SORBS2: variants seen among roughly 807,000 people sequenced by gnomAD.
SORBS2 encodes sorbin and SH3 domain containing 2.
In SORBS2, 46 loss-of-function variants were observed where a neutral mutation model predicts 97.7. That is an observed-to-expected ratio of 0.47 (90% CI 0.37 to 0.60). The LOEUF (loss-of-function observed/expected upper bound fraction) is 0.60. Among genes scored for constraint, SORBS2 ranks in the 20% least tolerant of loss-of-function variants. SORBS2 has a pLI of 0.00. For missense variants in SORBS2, 1,316 were observed against 1,282.3 expected (o/e 1.03, Z -0.40); for synonymous variants, 476 against 473.4 (o/e 1.01, Z -0.07).
chr4:185,869,083 G>A (rs1292919763), intron 1 of SORBS2, among the ~76,000 whole-genome samples: 4 of 152,224 alleles, frequency 2.6e-5, no homozygotes, highest in Non-Finnish European at 5.9e-5. Flanking sequence ...GCCTAGTGTG[G>A]AAGAGGAGAG....
intron 1 of SORBS2, among the ~76,000 whole-genome samples, chr4:185,899,950 C>T (rs536878369): frequency 3.6e-4 from 55 of 152,144 alleles, no homozygotes; most frequent in Middle Eastern, 3.4e-3. Context: ...ATAGAGGCAA[C>T]GGCACTAGAA....
intron 2 of SORBS2, among the ~76,000 whole-genome samples, chr4:185,730,011 A>G (rs879870491): frequency 9.2e-5 from 14 of 151,846 alleles, no homozygotes; most frequent in Admixed American, 2.6e-4. Flanking sequence ...GGAGTGCAGT[A>G]GAGCCATCTC....
chr4:185,691,800 A>G (rs755064265), intron 2 of SORBS2, among the ~76,000 whole-genome samples: 3 of 151,944 alleles, frequency 2.0e-5, no homozygotes, highest in Non-Finnish European at 2.9e-5. Context: ...GCTGGAGTGC[A>G]GTGGTGCGAT....
intron 4 of SORBS2, among the ~76,000 whole-genome samples, chr4:185,643,179 C>T (rs531453131): frequency 6.6e-6 from 1 of 152,348 alleles, no homozygotes; most frequent in East Asian, 1.9e-4. Context: ...GCAGAGGAGT[C>T]AGGCACATTC....
At chr4:185,939,352 T>C (rs1246648663) in intron 1 of SORBS2, among the ~76,000 whole-genome samples, 4 of 152,200 alleles carry the variant, frequency 2.6e-5, no homozygotes, top group Non-Finnish European at 5.9e-5. Flanking sequence ...TTCTCTTCAC[T>C]GGAATAGTTC....
At chr4:185,750,675 C>A (rs981117857) in intron 2 of SORBS2, among the ~76,000 whole-genome samples, 12 of 152,204 alleles carry the variant, frequency 7.9e-5, no homozygotes, top group Admixed American at 7.9e-4. Flanking sequence ...AACAAACAAA[C>A]AATAACTTTC....
intron 1 of SORBS2, among the ~76,000 whole-genome samples, chr4:185,940,786 A>G (rs1469128049): frequency 6.6e-6 from 1 of 152,228 alleles, no homozygotes; most frequent in Non-Finnish European, 1.5e-5. Flanking sequence ...TGTGCAAAAC[A>G]TCATTCAGGA....
intron 1 of SORBS2, among the ~76,000 whole-genome samples, chr4:185,874,479 A>G (rs1235391784): frequency 2.6e-5 from 4 of 152,160 alleles, no homozygotes; most frequent in Non-Finnish European, 2.9e-5. Flanking sequence ...GGCCCCAAAG[A>G]TGCATGCTGA....
chr4:185,818,873 T>G (rs976850575), intron 1 of SORBS2, among the ~76,000 whole-genome samples: 1 of 152,142 alleles, frequency 6.6e-6, no homozygotes, highest in South Asian at 2.1e-4. Flanking sequence ...TAAAGTAGCA[T>G]GACAAATCAT....
intron 4 of SORBS2, among the ~76,000 whole-genome samples, chr4:185,667,076 GGAT>G (rs2097617986): frequency 2.0e-5 from 3 of 152,182 alleles, no homozygotes; most frequent in Admixed American, 2.0e-4. Context: ...GTGACAAATA[GGAT>G]GATAAGTACT....
chr4:185,732,640 T>C (rs2098650924), intron 2 of SORBS2, among the ~76,000 whole-genome samples: 1 of 152,186 alleles, frequency 6.6e-6, no homozygotes, highest in African/African-American at 2.4e-5. Flanking sequence ...AACCAAAGGC[T>C]GTGTGTTGAG....
At chr4:185,853,010 G>A (rs2149689306) in intron 1 of SORBS2, among the ~76,000 whole-genome samples, 1 of 152,258 alleles carries the variant, frequency 6.6e-6, no homozygotes, top group African/African-American at 2.4e-5. Flanking sequence ...TATAAGTGAT[G>A]GGAGTGGGTT....
chr4:185,889,534 G>A (rs146887820), intron 1 of SORBS2, among the ~76,000 whole-genome samples: 10 of 151,980 alleles, frequency 6.6e-5, no homozygotes, highest in Middle Eastern at 3.4e-3. Flanking sequence ...CTCTGCTGTG[G>A]CCTGCATATT....
At chr4:185,757,616 G>A (rs1212179597) in intron 2 of SORBS2, among the ~76,000 whole-genome samples, 2 of 151,724 alleles carry the variant, frequency 1.3e-5, no homozygotes, top group Non-Finnish European at 2.9e-5. Context: ...GTTATTCCAT[G>A]TCCTGGGAAA....
chr4:185,688,417 T>G (rs2098015855), intron 2 of SORBS2, among the ~76,000 whole-genome samples: 1 of 146,652 alleles, frequency 6.8e-6, no homozygotes, highest in Non-Finnish European at 1.5e-5. Context: ...TCAATAAAAC[T>G]GGCCTGTATT....
At chr4:185,864,809 G>A (rs2099225865) in intron 1 of SORBS2, among the ~76,000 whole-genome samples, 1 of 151,990 alleles carries the variant, frequency 6.6e-6, no homozygotes, top group Non-Finnish European at 1.5e-5. Context: ...CTACTTGGGA[G>A]GCCGAGGTAA....
chr4:185,759,413 A>G (rs1352132675), intron 2 of SORBS2, among the ~76,000 whole-genome samples: 1 of 152,210 alleles, frequency 6.6e-6, no homozygotes, highest in Non-Finnish European at 1.5e-5. Flanking sequence ...ATCTTGAAAC[A>G]GAACAGAGTT....
In SORBS2 at chr4:185,623,601, C is replaced by G. The variant is rs771002154; in HGVS notation, c.1528G>C (p.Asp510His). ...TCTAGGTGAATGTAGTCACTGTGGT[C>G]GGACACAACCCCGTCCTGGTCGCTG... Residue 510 changes from aspartate (D) to histidine (H), a missense_variant, in exon 7 of 15, where the codon GAC becomes CAC. Coordinates refer to ENST00000418609, the Ensembl canonical transcript of SORBS2. The surrounding 1 kb of genome is among the most constrained non-coding windows in gnomAD (Gnocchi z 6.4). The G allele has an allele frequency of 6.2e-7, 1 of 1,614,078 alleles. No homozygotes were observed. Among genetic ancestry groups the G allele is most frequent in the Non-Finnish European group, 8.5e-7 (1 of 1,180,026 alleles).
chr4:185,926,314 A>C (rs1407984880), intron 1 of SORBS2, among the ~76,000 whole-genome samples: 1 of 152,234 alleles, frequency 6.6e-6, no homozygotes, highest in African/African-American at 2.4e-5. Context: ...TGGTGGCGGC[A>C]CGGGTAGAGG....
Sources: gnomAD v4.1 joint callset for allele counts (sites outside exome capture counted in the v4.1 genomes callset) on GRCh38, gnomAD v4.1.1 for gene constraint, Gnocchi (gnomAD v3.1) non-coding constraint, MANE v1.5 for transcripts, NCBI Gene and HGNC (gene_info 2026-07-23, HGNC 2026-07-21) for gene names.